The following MTA1 variants were observed in gnomAD, a reference collection of about 807,000 sequenced individuals.
MTA1 encodes metastasis-associated protein MTA1.
MTA1 carries 15 observed loss-of-function variants against 97.0 expected under a neutral mutation model. The observed-to-expected ratio is 0.15, with a 90% CI of 0.10 to 0.24. MTA1 has a LOEUF of 0.24. MTA1 is among the 10% of genes least tolerant of loss of function. The pLI, the probability that MTA1 is intolerant of heterozygous loss-of-function variation, is 1.00. For missense variants in MTA1, 709 were observed against 1,015.1 expected (o/e 0.70, Z 4.10); for synonymous variants, 435 against 417.5 (o/e 1.04, Z -0.51).
chr14:105,431,695 G>A (rs587773771), intron 1 of MTA1, among the ~76,000 whole-genome samples: 129 of 152,242 alleles, frequency 8.5e-4, no homozygotes, highest in Non-Finnish European at 1.1e-3. Flanking sequence ...GCGCAGTCTC[G>A]GCTCACTACA....
Position 105,454,756 on chromosome 14 carries a change from G to A in MTA1, c.550+446G>A, listed in dbSNP as rs587650445. The A allele has an allele frequency of 1.7e-4, 27 of 157,632 alleles. No individual in the cohort carries two copies. The East Asian group carries it at 3.9e-3, about 23-fold the overall frequency. The allele number at this position is 157,632 out of a possible 1,614,324, so 9.8% of individuals were successfully genotyped here. ...CGAGTAGCTGGGATTACAGGCGCCC[G>A]CCATCACGCCCGGCTAATTTTTTTA... On this transcript the variant is annotated intron_variant, in intron 7 of 20. Coordinates refer to ENST00000331320, the MANE Select transcript of MTA1 (RefSeq NM_004689.4).
At chr14:105,425,199 C>T (rs782419012) in intron 1 of MTA1, among the ~76,000 whole-genome samples, 3 of 152,262 alleles carry the variant, frequency 2.0e-5, no homozygotes, top group Non-Finnish European at 4.4e-5. Context: ...GCCCCCCTTC[C>T]CCAGGAGGAG....
chr14:105,464,557 G>A lies in MTA1; in HGVS notation c.1334G>A (p.Arg445His), dbSNP rs782773381. ...GATGGAGAGAGGCCAGGACCAAACCGCAGTAACATGGTAAGGGGGGGGACA... is the reference window on the plus strand; with the variant it reads ...GATGGAGAGAGGCCAGGACCAAACCACAGTAACATGGTAAGGGGGGGGACA... The part of the protein sequence containing the change: ...RLDGERPGPN[R>H]SNMSPHGLPA... Residue 445 changes from arginine to histidine, a missense_variant, in exon 14 of 21, where the codon CGC (arginine) becomes CAC (histidine). Transcript: ENST00000331320. The A allele has an allele frequency of 2.0e-5, 33 of 1,612,724 alleles. No individual in the cohort carries two copies. Among genetic ancestry groups the A allele is most frequent in the Admixed American group, 6.7e-5 (4 of 60,002 alleles).
intron 3 of MTA1, 41 bp from the exon 4 acceptor site, chr14:105,449,318 G>C (rs2082832495): frequency 6.2e-7 from 1 of 1,601,708 alleles, no homozygotes; most frequent in African/African-American, 1.3e-5. Context: ...CCGCCACCCT[G>C]TGCTGACCGT....
At chr14:105,425,841 G>C (rs1159476380) in intron 1 of MTA1, among the ~76,000 whole-genome samples, 2 of 130,946 alleles carry the variant, frequency 1.5e-5, no homozygotes, top group Non-Finnish European at 3.3e-5. Context: ...CCCCACCAAT[G>C]TGCCCCCGGC....
At chr14:105,452,405 A>C (rs1179331166) in intron 6 of MTA1, among the ~76,000 whole-genome samples, 2 of 152,382 alleles carry the variant, frequency 1.3e-5, no homozygotes, top group East Asian at 3.9e-4. Flanking sequence ...CAGGCCGGGT[A>C]CAGTGGCTCA....
At position 105,469,322 on chromosome 14, in the gene MTA1, C is replaced by T. The variant is rs1000884814; in HGVS notation, c.1814-145C>T. The T allele has an allele frequency of 7.8e-6, 7 of 900,762 alleles. No individual in the cohort carries two copies. In the African/African-American group the frequency reaches 1.1e-4, roughly 15 times the overall value. The allele number at this position is 900,762 out of a possible 1,614,324, so 55.8% of individuals were successfully genotyped here. On this transcript the variant is annotated intron_variant, in intron 18 of 20. Transcript: ENST00000331320. ...CCCGGGGATGCGAGGCCCCACGTCC[C>T]CCAGGCCCATCCTGGGTGTGGGCTG...
chr14:105,462,249 C>T (rs1000435226), intron 10 of MTA1, among the ~76,000 whole-genome samples: 10 of 152,220 alleles, frequency 6.6e-5, no homozygotes, highest in Non-Finnish European at 1.3e-4. Flanking sequence ...ACTATCTGAA[C>T]CCTTATTTAA....
At chr14:105,467,667 C>G (rs897117649) in intron 18 of MTA1, 37 of 362,206 alleles carry the variant, frequency 1.0e-4, no homozygotes, top group Non-Finnish European at 2.8e-5. Context: ...CAGCCCCAGC[C>G]CTCCTTTCCT....
chr14:105,427,696 C>G (rs1314929151), intron 1 of MTA1, among the ~76,000 whole-genome samples: 4 of 152,018 alleles, frequency 2.6e-5, no homozygotes, highest in African/African-American at 9.7e-5. Context: ...TGAGAATTGA[C>G]TCTGGGTGCG....
chr14:105,426,653 G>A (rs2082023836), intron 1 of MTA1, among the ~76,000 whole-genome samples: 1 of 152,180 alleles, frequency 6.6e-6, no homozygotes, highest in South Asian at 2.1e-4. Context: ...GCATCCCCTG[G>A]GGGCCGCTGT....
chr14:105,425,536 A>G (rs1022576626), intron 1 of MTA1, among the ~76,000 whole-genome samples: 27 of 152,172 alleles, frequency 1.8e-4, no homozygotes, highest in Non-Finnish European at 3.2e-4. Flanking sequence ...TTGGGCTCCC[A>G]AAGTGCCGCT....
rs184291100 is a variant in MTA1 at position 105,423,468 on chromosome 14, C to T, written c.28+3405C>T. Among the ~76,000 whole-genome samples, 49 of 152,218 alleles carry T rather than the reference C, an allele frequency of 3.2e-4. 1 individual carries two copies. The East Asian group carries it at 8.5e-3, about 26-fold the overall frequency. ...CTGACCTCAAGTGATCCACCCGCTT[C>T]GGCCTCCGAAAGTGCTGGGATTACA... On this transcript the variant is annotated intron_variant, in intron 1 of 20. Coordinates refer to ENST00000331320, the MANE Select transcript of MTA1 (RefSeq NM_004689.4).
rs2141733300 is a variant in MTA1, at chr14:105,470,384, T to G, written c.*169T>G. 1.8e-6 allele frequency: 1 copy of G among 561,950 alleles called. No individual in the cohort carries two copies. Among genetic ancestry groups the G allele is most frequent in the African/African-American group, 2.0e-5 (1 of 49,088 alleles). 34.8% of individuals were successfully genotyped at this position (561,950 alleles called of 1,614,324 possible). The stretch of plus-strand genomic sequence containing the variant: ...GGGGGAGGAGAGGAAGAAGCGCGGC[T>G]AACTTATTCCGAGAATGCCGAGGAG... On this transcript the variant is annotated 3_prime_UTR_variant, in exon 21 of 21. Transcript: ENST00000331320.
chr14:105,470,718 GA>G lies in MTA1; in HGVS notation c.*510del, dbSNP rs1398120109. 3 of 152,772 alleles carry G rather than the reference GA, an allele frequency of 2.0e-5. No homozygotes were observed. Among genetic ancestry groups the G allele is most frequent in the Non-Finnish European group, 4.4e-5 (3 of 68,526 alleles). The allele number at this position is 152,772 out of a possible 1,614,324, so 9.5% of individuals were successfully genotyped here. A position where few individuals can be genotyped will look rare whatever the true frequency, so the allele number is the denominator to read the frequency against. ...CAAAGAAAAAAAATCTTATAAAAAG[GA>G]AAAAAACCAACCGGTCCTTCCCTGT... On this transcript the variant is annotated 3_prime_UTR_variant, in exon 21 of 21. Transcript: ENST00000331320.
rs781990407 is a variant in MTA1 at position 105,451,812 on chromosome 14, CAG to C, written c.432+1491_432+1492del. Among the ~76,000 whole-genome samples, 35 of 119,094 alleles carry C rather than the reference CAG, an allele frequency of 2.9e-4. No homozygotes were observed. In the South Asian group the frequency reaches 9.1e-3, roughly 31 times the overall value. The allele number at this position is 119,094 out of a possible 152,430, so 78.1% of individuals were successfully genotyped here. A position where few individuals can be genotyped will look rare whatever the true frequency, so the allele number is the denominator to read the frequency against. On this transcript the variant is annotated intron_variant, in intron 6 of 20. Transcript: ENST00000331320. ...TTTTTTTTTTTTTTTTTTTTTGAGA[CAG>C]AGTTTCGCTCTTGTTGCCCAGGCTG...
rs2081861182 is a variant in MTA1, at chr14:105,422,174, T to C, written c.28+2111T>C. Among the ~76,000 whole-genome samples the C allele has an allele frequency of 6.6e-6, 1 of 152,026 alleles. No individual in the cohort carries two copies. The highest frequency in any genetic ancestry group is 2.4e-5 in the African/African-American group (1 of 41,398). On this transcript the variant is annotated intron_variant, in intron 1 of 20. Coordinates refer to ENST00000331320, the MANE Select transcript of MTA1 (RefSeq NM_004689.4). This position sits in a 1 kb window ranked among gnomAD's most constrained non-coding sequence, Gnocchi z 4.3. ...CTCCCTGCAGGTGAGACTGTAGGCC[T>C]CCCCCTCTCTACTCTGACTGTCCCT...
intron 1 of MTA1, among the ~76,000 whole-genome samples, chr14:105,437,101 A>G (rs1263778090): frequency 6.6e-6 from 1 of 152,248 alleles, no homozygotes; most frequent in Non-Finnish European, 1.5e-5. Flanking sequence ...ATGTGGGCGT[A>G]GCCTCATCTG....
At chr14:105,436,286 A>T (rs955869755) in intron 1 of MTA1, among the ~76,000 whole-genome samples, 1 of 151,816 alleles carries the variant, frequency 6.6e-6, no homozygotes, top group Non-Finnish European at 1.5e-5. Flanking sequence ...ACAAGCAAAC[A>T]CTCAGCTTTT....
Sources: allele counts gnomAD v4.1 joint callset (sites outside exome capture counted in the v4.1 genomes callset), GRCh38; gene constraint gnomAD v4.1.1; non-coding constraint Gnocchi (gnomAD v3.1); transcripts MANE v1.5; gene names NCBI Gene and HGNC (gene_info 2026-07-23, HGNC 2026-07-21).